The following PANX1 variants were observed in gnomAD, a reference collection of about 807,000 sequenced individuals.
PANX1 encodes the protein pannexin 1.
Under a neutral mutation model 38.7 loss-of-function variants are expected in PANX1, and 30 were observed. That is an observed-to-expected ratio of 0.78 (90% CI 0.58 to 1.05). The LOEUF (loss-of-function observed/expected upper bound fraction) is 1.05. PANX1 is among the 50% of genes least tolerant of loss of function. The pLI, the probability that PANX1 is intolerant of heterozygous loss-of-function variation, is 0.00. For synonymous variants in PANX1, 230 were observed against 212.2 expected (o/e 1.08, Z -0.73); for missense variants, 551 against 517.2 (o/e 1.07, Z -0.63).
chr11:94,134,284 T>A (rs1438213865), intron 1 of PANX1, among the ~76,000 whole-genome samples: 2 of 152,148 alleles, frequency 1.3e-5, no homozygotes, highest in African/African-American at 4.8e-5. Flanking sequence ...TTCTAACACA[T>A]CTACTCTCAG....
intron 2 of PANX1, among the ~76,000 whole-genome samples, chr11:94,173,817 C>T (rs1032709750): frequency 6.6e-6 from 1 of 151,734 alleles, no homozygotes; most frequent in African/African-American, 2.4e-5. Context: ...ATTTGTGGCC[C>T]TCTTAATTCA....
chr11:94,162,437 C>T (rs973693244), intron 2 of PANX1, among the ~76,000 whole-genome samples: 1 of 152,224 alleles, frequency 6.6e-6, no homozygotes, highest in Non-Finnish European at 1.5e-5. Flanking sequence ...CCTCCCCCAG[C>T]CTCGCTGCCA....
chr11:94,152,363 G>C (rs1050450742), intron 1 of PANX1, among the ~76,000 whole-genome samples: 16 of 152,136 alleles, frequency 1.1e-4, no homozygotes, highest in African/African-American at 3.1e-4. Flanking sequence ...GAGATCCCAG[G>C]CTTTGGGAAA....
chr11:94,166,020 C>A (rs1195670347), intron 2 of PANX1, among the ~76,000 whole-genome samples: 1 of 152,016 alleles, frequency 6.6e-6, no homozygotes, highest in Non-Finnish European at 1.5e-5. Context: ...AATAAAAAAA[C>A]AAGCCAAAAG....
At position 94,181,159 on chromosome 11, in the gene PANX1, C is replaced by G. The variant is rs1947302684; in HGVS notation, c.*290C>G. 2.9e-6 allele frequency: 1 copy of G among 343,894 alleles called. No individual in the cohort carries two copies. The highest frequency in any genetic ancestry group is 4.1e-5 in the Admixed American group (1 of 24,672). 21.3% of individuals were successfully genotyped at this position (343,894 alleles called of 1,614,324 possible). ...AAAGACAAGAACAATTAGTCAAGAG[C>G]AGTAGCCCTGTCAGAGCCTCGGAGC... On this transcript the variant is annotated 3_prime_UTR_variant, in exon 5 of 5. Transcript: ENST00000227638.
At chr11:94,160,594 C>G (rs1947014996) in intron 2 of PANX1, among the ~76,000 whole-genome samples, 1 of 152,132 alleles carries the variant, frequency 6.6e-6, no homozygotes, top group South Asian at 2.1e-4. Flanking sequence ...CTTCCTCCAC[C>G]CCTTTATTTT....
At chr11:94,140,064 G>A (rs992415522) in intron 1 of PANX1, among the ~76,000 whole-genome samples, 2 of 152,214 alleles carry the variant, frequency 1.3e-5, no homozygotes, top group African/African-American at 4.8e-5. Context: ...GCTAAATAGA[G>A]TAGAAATGCT....
At chr11:94,177,772 G>T (rs1005965004) in intron 2 of PANX1, among the ~76,000 whole-genome samples, 1 of 151,898 alleles carries the variant, frequency 6.6e-6, no homozygotes, top group African/African-American at 2.4e-5. Flanking sequence ...CCAACTATAC[G>T]ATGAGGGTGT....
intron 1 of PANX1, among the ~76,000 whole-genome samples, chr11:94,142,115 C>A (rs1177867881): frequency 6.6e-6 from 1 of 152,162 alleles, no homozygotes; most frequent in East Asian, 1.9e-4. Flanking sequence ...CTGCGGGACA[C>A]AGGACTGCGT....
At chr11:94,150,775 C>T (rs902711452) in intron 1 of PANX1, among the ~76,000 whole-genome samples, 1 of 152,148 alleles carries the variant, frequency 6.6e-6, no homozygotes, top group South Asian at 2.1e-4. Flanking sequence ...TACCCAATAC[C>T]TGGGGATTGA....
In PANX1 at chr11:94,166,093, A is replaced by G. The variant is rs565894694; in HGVS notation, c.322-12276A>G. Among the ~76,000 whole-genome samples the G allele has an allele frequency of 3.3e-5, 5 of 152,192 alleles. No individual in the cohort carries two copies. The East Asian group carries it at 9.7e-4, about 29-fold the overall frequency. On this transcript the variant is annotated intron_variant, in intron 2 of 4. Coordinates refer to ENST00000227638, the MANE Select transcript of PANX1 (RefSeq NM_015368.4). Reference sequence around the variant, plus strand: ...CTCGCTTTCGACTTCTTGTCACTTTATATCTTTTTATATTGTGTATCTCCT... The same window carrying G: ...CTCGCTTTCGACTTCTTGTCACTTTGTATCTTTTTATATTGTGTATCTCCT...
intron 2 of PANX1, among the ~76,000 whole-genome samples, chr11:94,157,828 C>A (rs1426672263): frequency 2.0e-5 from 3 of 152,096 alleles, no homozygotes; most frequent in Non-Finnish European, 4.4e-5. Flanking sequence ...TGCCTATGTC[C>A]TGAATGGTAT....
chr11:94,158,629 A>C (rs61905102), intron 2 of PANX1, among the ~76,000 whole-genome samples: 17 of 152,176 alleles, frequency 1.1e-4, no homozygotes, highest in African/African-American at 2.9e-4. Context: ...AGTTGCTTAT[A>C]AGCTTAAGGA....
At chr11:94,161,282 A>G (rs1395824939) in intron 2 of PANX1, among the ~76,000 whole-genome samples, 2 of 152,122 alleles carry the variant, frequency 1.3e-5, no homozygotes, top group Non-Finnish European at 2.9e-5. Flanking sequence ...GACTTGCTAG[A>G]TTGGGGAAGT....
intron 2 of PANX1, among the ~76,000 whole-genome samples, chr11:94,173,762 G>T (rs1443990391): frequency 6.6e-6 from 1 of 151,642 alleles, no homozygotes; most frequent in Admixed American, 6.6e-5. Flanking sequence ...GAATATATTT[G>T]ATTTTGCCCT....
chr11:94,141,516 C>T (rs949943332), intron 1 of PANX1, among the ~76,000 whole-genome samples: 3 of 152,062 alleles, frequency 2.0e-5, no homozygotes, highest in East Asian at 3.8e-4. Flanking sequence ...GACAGGTCTC[C>T]GCTTGTTTTC....
At chr11:94,149,385 C>T (rs908762547) in intron 1 of PANX1, among the ~76,000 whole-genome samples, 1 of 152,174 alleles carries the variant, frequency 6.6e-6, no homozygotes, top group African/African-American at 2.4e-5. Flanking sequence ...GACCAGCACC[C>T]TATGCTCCAG....
At chr11:94,149,193 T>C (rs1298632927) in intron 1 of PANX1, among the ~76,000 whole-genome samples, 1 of 152,186 alleles carries the variant, frequency 6.6e-6, no homozygotes, top group African/African-American at 2.4e-5. Flanking sequence ...GCCAAAGCCC[T>C]CCTGCTGAAG....
intron 2 of PANX1, among the ~76,000 whole-genome samples, chr11:94,167,467 A>G (rs1286167116): frequency 6.6e-6 from 1 of 152,140 alleles, no homozygotes; most frequent in African/African-American, 2.4e-5. Context: ...TGTACTGTCA[A>G]ATTCTTGCTC....
Sources: gnomAD v4.1 joint callset for allele counts (sites outside exome capture counted in the v4.1 genomes callset) on GRCh38, gnomAD v4.1.1 for gene constraint, MANE v1.5 for transcripts, NCBI Gene and HGNC (gene_info 2026-07-23, HGNC 2026-07-21) for gene names.